LCMT1: variants seen among roughly 807,000 people sequenced by gnomAD.
LCMT1 encodes the protein [Phosphatase 2A protein]-leucine-carboxy methyltransferase 1.
A neutral mutation model predicts 47.7 loss-of-function variants in LCMT1; 32 were observed. The ratio of observed to expected loss-of-function variants is 0.67; its 90% CI spans 0.51 to 0.90. LCMT1 has a LOEUF of 0.90. Among genes scored for constraint, LCMT1 ranks in the 40% least tolerant of loss-of-function variants. The pLI, the probability that LCMT1 is intolerant of heterozygous loss-of-function variation, is 0.00. For synonymous variants in LCMT1, 152 were observed against 149.7 expected (o/e 1.02, Z -0.11); for missense variants, 375 against 415.2 (o/e 0.90, Z 0.84).
At chr16:25,113,926 C>A (rs979522915) in intron 1 of LCMT1, among the ~76,000 whole-genome samples, 1 of 152,162 alleles carries the variant, frequency 6.6e-6, no homozygotes, top group Admixed American at 6.5e-5. Flanking sequence ...ATGAGCCACC[C>A]CACCCAGCCT....
At chr16:25,172,791 C>T (rs1414614217) in intron 9 of LCMT1, among the ~76,000 whole-genome samples, 1 of 152,200 alleles carries the variant, frequency 6.6e-6, no homozygotes, top group East Asian at 1.9e-4. Context: ...GCATCCTTCC[C>T]CACAGGCTGG....
intron 1 of LCMT1, among the ~76,000 whole-genome samples, chr16:25,125,032 G>A (rs973214053): frequency 6.6e-6 from 1 of 152,164 alleles, no homozygotes; most frequent in African/African-American, 2.4e-5. Context: ...AAATCTTTGA[G>A]GTCTTTCCAA....
In LCMT1 at chr16:25,138,908, G is replaced by T. The variant is rs192118934; in HGVS notation, c.328-1263G>T. 1.9e-3 allele frequency among the ~76,000 whole-genome samples: 295 copies of T among 151,780 alleles called. 1 individual carries two copies. The highest frequency in any genetic ancestry group is 0.01 in the Middle Eastern group (3 of 294). On this transcript the variant is annotated intron_variant, in intron 3 of 10. Transcript: ENST00000399069. ...ATTAATCTTCACAACCCCATAAAGT[G>T]TTAGCATTTTCTTCACTTTTCTCTT...
chr16:25,170,665 G>A (rs1434568665), intron 8 of LCMT1, 49 bp from the exon 9 acceptor site: 1 of 1,395,338 alleles, frequency 7.2e-7, no homozygotes, highest in East Asian at 2.3e-5. Context: ...TTGTAAGCCG[G>A]TGCCTGGTAG....
chr16:25,132,533 A>G lies in LCMT1; in HGVS notation c.327+10A>G, dbSNP rs1261542902. 5 of 1,611,716 alleles carry G rather than the reference A, an allele frequency of 3.1e-6. No individual in the cohort carries two copies. Among genetic ancestry groups the G allele is most frequent in the Admixed American group, 1.7e-5 (1 of 59,714 alleles). ...CTTCTGGAGATTAAAGGTATGTTCA[A>G]ATTCCCCTCCTCCCTCCCCAAGTGT... On this transcript the variant is annotated intron_variant, in intron 3 of 10. Transcript: ENST00000399069.
chr16:25,169,567 G>A, intron 8 of LCMT1: 2 of 183,638 alleles, frequency 1.1e-5, no homozygotes, highest in Non-Finnish European at 2.3e-5. Context: ...TGTAGATGTT[G>A]GAATATTTTC....
chr16:25,168,707 A>G (rs985014870), intron 7 of LCMT1, among the ~76,000 whole-genome samples: 3 of 152,188 alleles, frequency 2.0e-5, no homozygotes, highest in Non-Finnish European at 4.4e-5. Flanking sequence ...TTTCATGTCT[A>G]TATCTGTCTT....
chr16:25,114,368 C>A (rs1468956351), intron 1 of LCMT1, among the ~76,000 whole-genome samples: 1 of 152,242 alleles, frequency 6.6e-6, no homozygotes, highest in Non-Finnish European at 1.5e-5. Context: ...GTCATCACCA[C>A]CCCCCTCATT....
At chr16:25,128,998 G>A (rs547091903) in intron 2 of LCMT1, among the ~76,000 whole-genome samples, 3 of 142,918 alleles carry the variant, frequency 2.1e-5, no homozygotes, top group Non-Finnish European at 4.5e-5. Flanking sequence ...TGAGTGACAG[G>A]CCCCAGTGTG....
At chr16:25,116,012 T>G (rs1184466860) in intron 1 of LCMT1, among the ~76,000 whole-genome samples, 1 of 152,208 alleles carries the variant, frequency 6.6e-6, no homozygotes, top group Non-Finnish European at 1.5e-5. Context: ...TTTTTCACTT[T>G]TACAGTTGTG....
chr16:25,116,526 C>T (rs1202715514), intron 1 of LCMT1, among the ~76,000 whole-genome samples: 1 of 151,922 alleles, frequency 6.6e-6, no homozygotes, highest in African/African-American at 2.4e-5. Context: ...CAGCCAGCTT[C>T]CAACAACATT....
chr16:25,119,896 C>T (rs911858525), intron 1 of LCMT1, among the ~76,000 whole-genome samples: 3 of 152,012 alleles, frequency 2.0e-5, no homozygotes, highest in Admixed American at 6.5e-5. Flanking sequence ...CACGGTGGCT[C>T]ATGCCTGTAA....
chr16:25,133,153 G>A (rs977717865), intron 3 of LCMT1, among the ~76,000 whole-genome samples: 10 of 151,970 alleles, frequency 6.6e-5, no homozygotes, highest in African/African-American at 2.4e-4. Context: ...TAGCCACTGC[G>A]CCCAGCCTAT....
intron 10 of LCMT1, among the ~76,000 whole-genome samples, chr16:25,176,417 C>T (rs1362359246): frequency 6.6e-6 from 1 of 152,084 alleles, no homozygotes; most frequent in Admixed American, 6.6e-5. Flanking sequence ...TGCAAAAATT[C>T]CAGGTTGACA....
chr16:25,137,314 G>A (rs930487062), intron 3 of LCMT1, among the ~76,000 whole-genome samples: 6 of 152,068 alleles, frequency 3.9e-5, no homozygotes, highest in Non-Finnish European at 7.4e-5. Flanking sequence ...GATTACAGGC[G>A]TGAGCCACTG....
chr16:25,131,623 C>T (rs1960350957), intron 2 of LCMT1, among the ~76,000 whole-genome samples: 1 of 152,146 alleles, frequency 6.6e-6, no homozygotes, highest in Admixed American at 6.5e-5. Flanking sequence ...TGTTAACAGC[C>T]ATGCACATAC....
At chr16:25,161,550 T>C (rs1237852065) in intron 6 of LCMT1, among the ~76,000 whole-genome samples, 3 of 152,086 alleles carry the variant, frequency 2.0e-5, no homozygotes, top group African/African-American at 7.2e-5. Context: ...GAGATGGGGT[T>C]TCTCCATGTA....
At chr16:25,169,010 C>T in intron 7 of LCMT1, 102 bp from the exon 8 acceptor site, 1 of 824,078 alleles carries the variant, frequency 1.2e-6, no homozygotes, top group Non-Finnish European at 2.0e-6. Flanking sequence ...TGTGCGTCAT[C>T]AAGCGTCAGC....
intron 9 of LCMT1, among the ~76,000 whole-genome samples, chr16:25,171,863 A>G (rs1002568123): frequency 3.9e-5 from 6 of 152,222 alleles, no homozygotes; most frequent in African/African-American, 1.4e-4. Flanking sequence ...ACATAGATAG[A>G]TAAATATTTA....
Sources: allele counts gnomAD v4.1 joint callset (sites outside exome capture counted in the v4.1 genomes callset), GRCh38; gene constraint gnomAD v4.1.1; transcripts MANE v1.5; gene names NCBI Gene and HGNC (gene_info 2026-07-23, HGNC 2026-07-21).